PTGER3: variants seen among roughly 807,000 people sequenced by gnomAD.
PTGER3 encodes the protein prostaglandin E2 receptor EP3 subtype.
Under a neutral mutation model 34.7 loss-of-function variants are expected in PTGER3, and 22 were observed. The ratio of observed to expected loss-of-function variants is 0.63; its 90% confidence interval spans 0.45 to 0.91. The LOEUF (loss-of-function observed/expected upper bound fraction) is 0.91, where lower values mean the gene tolerates loss of function less well. Ranked by LOEUF, PTGER3 falls within the 40% of genes least tolerant of loss-of-function variation. The pLI, the probability that PTGER3 is intolerant of heterozygous loss-of-function variation, is 0.00. For synonymous variants in PTGER3, 241 were observed against 230.1 expected (o/e 1.05, Z -0.43); for missense variants, 468 against 519.4 (o/e 0.90, Z 0.96).
intron 4 of PTGER3, among the ~76,000 whole-genome samples, chr1:70,924,680 T>C (rs1647876592): frequency 1.3e-5 from 2 of 152,202 alleles, no homozygotes; most frequent in South Asian, 2.1e-4. Context: ...TATTGTACTC[T>C]TTTTGTAGGA....
chr1:70,990,250 G>A (rs1421223170), intron 2 of PTGER3, among the ~76,000 whole-genome samples: 4 of 150,802 alleles, frequency 2.7e-5, no homozygotes, highest in African/African-American at 4.9e-5. Context: ...CCAGCTACTC[G>A]GGAGGCTGAG....
rs769370982 is a variant in PTGER3, at chr1:70,952,983, A to G, written c.1181T>C (p.Leu394Pro). 3.1e-6 allele frequency: 5 copies of G among 1,613,108 alleles called. No individual in the cohort carries two copies. The Admixed American group carries it at 5.0e-5, about 16-fold the overall frequency. ...GAGTACCTCCATTTCTTCTCTGTTC[A>G]GCACACGATAGGTTTGTACTTGCCC... is the stretch of plus-strand genomic sequence containing the variant. Residue 394 changes from leucine (L) to proline (P), a missense_variant, in exon 4 of 4, where the codon CTG (leucine) becomes CCG (proline). Leu to Pro is a moderately conservative substitution (Grantham distance 98, BLOSUM62 -3). Transcript: ENST00000356595.
At chr1:70,999,023 A>C (rs1327141656) in intron 2 of PTGER3, among the ~76,000 whole-genome samples, 4 of 152,096 alleles carry the variant, frequency 2.6e-5, no homozygotes, top group Non-Finnish European at 5.9e-5. Context: ...CTACCAAAAA[A>C]CAAAAAATTA....
At chr1:71,039,543 G>T (rs1030376754) in intron 1 of PTGER3, among the ~76,000 whole-genome samples, 3 of 151,202 alleles carry the variant, frequency 2.0e-5, no homozygotes, top group Non-Finnish European at 4.4e-5. Flanking sequence ...CCAGCTACTC[G>T]GGAGGCTGAG....
At chr1:70,962,611 G>A (rs1652056519) in intron 2 of PTGER3, among the ~76,000 whole-genome samples, 1 of 152,154 alleles carries the variant, frequency 6.6e-6, no homozygotes, top group Non-Finnish European at 1.5e-5. Context: ...GTGTGTGCAA[G>A]GGAACTCGTC....
At chr1:70,873,127 T>C (rs750177556) in intron 4 of PTGER3, among the ~76,000 whole-genome samples, 3 of 152,232 alleles carry the variant, frequency 2.0e-5, no homozygotes, top group Non-Finnish European at 2.9e-5. Context: ...AAGTGTCTTT[T>C]GGTTTTCCAC....
chr1:70,923,010 G>C (rs1418911260), intron 4 of PTGER3, among the ~76,000 whole-genome samples: 1 of 152,116 alleles, frequency 6.6e-6, no homozygotes, highest in African/African-American at 2.4e-5. Context: ...AAGAAAAATT[G>C]TAAAGGCTTA....
intron 2 of PTGER3, among the ~76,000 whole-genome samples, chr1:70,956,289 C>T (rs539576991): frequency 1.3e-5 from 2 of 152,136 alleles, no homozygotes; most frequent in South Asian, 4.1e-4. Context: ...TTAGTATCAG[C>T]CAGGTGTTTG....
At chr1:70,943,678 TA>T (rs745775659) in intron 4 of PTGER3, among the ~76,000 whole-genome samples, 1 of 152,122 alleles carries the variant, frequency 6.6e-6, no homozygotes, top group Non-Finnish European at 1.5e-5. Context: ...GTTTAACTAA[TA>T]ATATTTTTTT....
At chr1:70,990,668 G>A (rs1655391370) in intron 2 of PTGER3, among the ~76,000 whole-genome samples, 1 of 151,792 alleles carries the variant, frequency 6.6e-6, no homozygotes, top group Non-Finnish European at 1.5e-5. Flanking sequence ...TGTAGAGATC[G>A]GGTTTCACAG....
intron 4 of PTGER3, among the ~76,000 whole-genome samples, chr1:70,905,213 G>C (rs1646919462): frequency 6.6e-6 from 1 of 152,132 alleles, no homozygotes; most frequent in Non-Finnish European, 1.5e-5. Context: ...TGGATGCCCA[G>C]GCAGAAGTTT....
chr1:71,005,605 G>A (rs989384054), intron 2 of PTGER3, among the ~76,000 whole-genome samples: 7 of 152,122 alleles, frequency 4.6e-5, no homozygotes, highest in Admixed American at 3.9e-4. Flanking sequence ...CCAGAGCTTG[G>A]CACTTAATAG....
At chr1:71,043,420 T>A (rs780363222) in intron 1 of PTGER3, among the ~76,000 whole-genome samples, 1 of 152,230 alleles carries the variant, frequency 6.6e-6, no homozygotes, top group Non-Finnish European at 1.5e-5. Flanking sequence ...TAAGTATTTA[T>A]GTAGTGTGAA....
At chr1:71,045,867 C>T (rs992701584) in intron 1 of PTGER3, among the ~76,000 whole-genome samples, 1 of 152,028 alleles carries the variant, frequency 6.6e-6, no homozygotes, top group Non-Finnish European at 1.5e-5. Flanking sequence ...CTTTCATTCT[C>T]CTGCCTCATC....
chr1:70,997,271 C>CA (rs949110545), intron 2 of PTGER3: 3 of 151,562 alleles, frequency 2.0e-5, no homozygotes, highest in South Asian at 2.1e-4. Flanking sequence ...GACTGTCTCC[C>CA]AAAAAATAAA....
Position 71,047,336 on chromosome 1 carries a change from T to A in PTGER3, c.242A>T (p.Glu81Val), listed in dbSNP as rs780122646. 1 of 1,607,658 alleles carries A rather than the reference T, an allele frequency of 6.2e-7. No individual in the cohort carries two copies. Among genetic ancestry groups the A allele is most frequent in the Non-Finnish European group, 8.5e-7 (1 of 1,177,784 alleles). ...CAGGAAGGACTTCTTGCGCTTGCTCTCCCGGCGCCGGTAGCTGCGCGACAC... is the reference window on the plus strand; with the variant it reads ...CAGGAAGGACTTCTTGCGCTTGCTCACCCGGCGCCGGTAGCTGCGCGACAC... Reference protein sequence around the residue: ...LLVSRSYRRRESKRKKSFLLC... With the variant: ...LLVSRSYRRRVSKRKKSFLLC... Residue 81 changes from glutamate to valine, a missense_variant, in exon 1 of 4, where the codon GAG becomes GTG. Physicochemically the swap from Glu to Val is moderately radical, Grantham distance 121. Transcript: ENST00000306666.
At chr1:71,002,748 C>T (rs994059907) in intron 2 of PTGER3, among the ~76,000 whole-genome samples, 4 of 152,084 alleles carry the variant, frequency 2.6e-5, no homozygotes, top group African/African-American at 4.8e-5. Context: ...CGTTTTGTCC[C>T]GTTAATTCTT....
intron 4 of PTGER3, among the ~76,000 whole-genome samples, chr1:70,877,335 A>C (rs1646294027): frequency 6.6e-6 from 1 of 152,154 alleles, no homozygotes; most frequent in African/African-American, 2.4e-5. Context: ...GTTTTTTATC[A>C]GATCTAAGAG....
At chr1:71,034,639 G>C (rs1377921759) in intron 1 of PTGER3, among the ~76,000 whole-genome samples, 1 of 152,174 alleles carries the variant, frequency 6.6e-6, no homozygotes, top group East Asian at 1.9e-4. Context: ...ACTAATCCAA[G>C]AGCTAGTATT....
Sources: gnomAD v4.1 joint callset for allele counts (sites outside exome capture counted in the v4.1 genomes callset) on GRCh38, gnomAD v4.1.1 for gene constraint, MANE v1.5 for transcripts, NCBI Gene and HGNC (gene_info 2026-07-23, HGNC 2026-07-21) for gene names.